Variants in FOXP1 observed in about 807,000 individuals in gnomAD.
FOXP1 encodes forkhead box P1.
FOXP1 carries 15 observed loss-of-function variants against 98.2 expected under a neutral mutation model. The observed-to-expected ratio is 0.15, with a 90% CI of 0.10 to 0.24. The LOEUF (loss-of-function observed/expected upper bound fraction) is 0.24. Among genes scored for constraint, FOXP1 ranks in the 10% least tolerant of loss-of-function variants. The pLI, the probability that FOXP1 is intolerant of heterozygous loss-of-function variation, is 1.00. For missense variants in FOXP1, 633 were observed against 848.5 expected (o/e 0.75, Z 3.15); for synonymous variants, 371 against 314.5 (o/e 1.18, Z -1.90).
chr3:71,175,053 C>T (rs1416036951), intron 6 of FOXP1, among the ~76,000 whole-genome samples: 1 of 152,028 alleles, frequency 6.6e-6, no homozygotes, highest in African/African-American at 2.4e-5. Context: ...GCTGGGATTA[C>T]AAGCGCCTGC....
chr3:71,084,589 G>A (rs915087438), intron 7 of FOXP1, among the ~76,000 whole-genome samples: 7 of 152,056 alleles, frequency 4.6e-5, no homozygotes, highest in Admixed American at 1.3e-4. Context: ...TCTTCATGGT[G>A]GCCTCTTTCA....
chr3:71,277,801 G>A (rs1489454463), intron 5 of FOXP1, among the ~76,000 whole-genome samples: 2 of 151,830 alleles, frequency 1.3e-5, no homozygotes, highest in Admixed American at 1.3e-4. Flanking sequence ...TGGTGTTGGA[G>A]TATTTATTTA....
At chr3:70,976,246 GTCTC>G (rs1453495060) in intron 17 of FOXP1, among the ~76,000 whole-genome samples, 35 of 152,062 alleles carry the variant, frequency 2.3e-4, no homozygotes, top group African/African-American at 8.2e-4. Context: ...TAGAGACAGG[GTCTC>G]GCTACGTTGC....
chr3:71,431,702 G>A (rs2084737303), intron 3 of FOXP1, among the ~76,000 whole-genome samples: 1 of 152,180 alleles, frequency 6.6e-6, no homozygotes, highest in Admixed American at 6.5e-5. Context: ...ACTCCTACCT[G>A]CAAACTCATT....
chr3:71,345,544 T>G (rs1187686814), intron 4 of FOXP1, among the ~76,000 whole-genome samples: 1 of 152,134 alleles, frequency 6.6e-6, no homozygotes, highest in African/African-American at 2.4e-5. Flanking sequence ...TAACTGCCTT[T>G]TTCTCAACAT....
intron 2 of FOXP1, among the ~76,000 whole-genome samples, chr3:71,576,523 C>T (rs2047731505): frequency 1.3e-5 from 2 of 152,032 alleles, no homozygotes; most frequent in South Asian, 4.1e-4. Context: ...TAAATTTTTG[C>T]CCAGATACTT....
chr3:71,515,384 C>T (rs191494450), intron 2 of FOXP1, among the ~76,000 whole-genome samples: 8 of 133,444 alleles, frequency 6.0e-5, no homozygotes, highest in African/African-American at 2.3e-4. Flanking sequence ...TTAAAAGAAA[C>T]GTTCAACTAA....
At chr3:71,319,053 G>C (rs1196430367) in intron 4 of FOXP1, among the ~76,000 whole-genome samples, 4 of 152,204 alleles carry the variant, frequency 2.6e-5, no homozygotes, top group Non-Finnish European at 5.9e-5. Flanking sequence ...GTTCCCTATA[G>C]TTGTACTGGA....
intron 4 of FOXP1, among the ~76,000 whole-genome samples, chr3:71,313,686 C>T (rs776262844): frequency 6.6e-6 from 1 of 151,778 alleles, no homozygotes; most frequent in Non-Finnish European, 1.5e-5. Flanking sequence ...CCACCATGCC[C>T]GGCTAATTTT....
chr3:71,422,395 G>A (rs1007227767), intron 3 of FOXP1, among the ~76,000 whole-genome samples: 6 of 152,148 alleles, frequency 3.9e-5, no homozygotes, highest in African/African-American at 1.4e-4. Context: ...TGATTCAGTC[G>A]GTCTGGGGTG....
intron 5 of FOXP1, among the ~76,000 whole-genome samples, chr3:71,247,603 C>T (rs1412049680): frequency 1.3e-5 from 2 of 152,304 alleles, no homozygotes; most frequent in Non-Finnish European, 2.9e-5. Context: ...AGATTTTCTC[C>T]AAGTCACTAG....
At chr3:71,389,189 A>G (rs1354966699) in intron 3 of FOXP1, among the ~76,000 whole-genome samples, 1 of 135,618 alleles carries the variant, frequency 7.4e-6, no homozygotes, top group African/African-American at 2.8e-5. Context: ...GTGCAAATTC[A>G]GTGAGGCCTC....
chr3:71,105,223 C>G (rs2057328378), intron 7 of FOXP1, among the ~76,000 whole-genome samples: 1 of 150,738 alleles, frequency 6.6e-6, no homozygotes, highest in African/African-American at 2.4e-5. Context: ...TTTTTTCCCC[C>G]TCTTTCCCTG....
At chr3:71,196,106 C>G (rs570684474) in intron 6 of FOXP1, among the ~76,000 whole-genome samples, 3 of 152,186 alleles carry the variant, frequency 2.0e-5, no homozygotes, top group Admixed American at 1.3e-4. Flanking sequence ...ATAGACCCCA[C>G]TGCTTTGTTT....
chr3:71,522,545 C>T (rs1499894), intron 2 of FOXP1, among the ~76,000 whole-genome samples: 49,439 of 151,982 alleles, frequency 0.33, 9,330 homozygotes, highest in Non-Finnish European at 0.43. Flanking sequence ...TCTTAAAAGA[C>T]AGAAAAGGTA....
chr3:71,454,914 A>G (rs1490762546), intron 3 of FOXP1, among the ~76,000 whole-genome samples: 4 of 152,128 alleles, frequency 2.6e-5, no homozygotes, highest in African/African-American at 7.2e-5. Context: ...CCACTGAGCA[A>G]CTTCAAATGT....
chr3:71,388,507 G>C (rs1024269960), intron 3 of FOXP1, among the ~76,000 whole-genome samples: 15 of 152,068 alleles, frequency 9.9e-5, no homozygotes, highest in African/African-American at 3.6e-4. Flanking sequence ...TTAACGTTAA[G>C]TACAAATTTT....
At chr3:71,222,009 T>A (rs2065431068) in intron 5 of FOXP1, among the ~76,000 whole-genome samples, 1 of 152,082 alleles carries the variant, frequency 6.6e-6, no homozygotes, top group Non-Finnish European at 1.5e-5. Context: ...AAAAATTACC[T>A]GGGCATGGTG....
intron 4 of FOXP1, among the ~76,000 whole-genome samples, chr3:71,351,345 T>C (rs993905434): frequency 2.0e-5 from 3 of 152,192 alleles, no homozygotes; most frequent in Non-Finnish European, 4.4e-5. Context: ...TAAAATATGG[T>C]GAGCTCAGTA....
Sources: allele counts gnomAD v4.1 joint callset (sites outside exome capture counted in the v4.1 genomes callset), GRCh38; gene constraint gnomAD v4.1.1; transcripts MANE v1.5; gene names NCBI Gene and HGNC (gene_info 2026-07-23, HGNC 2026-07-21).